Variants in WASHC2C observed in about 807,000 individuals in gnomAD.
The protein encoded by WASHC2C is Vaccinia Penetration Factor.
A neutral mutation model predicts 142.2 loss-of-function variants in WASHC2C; 73 were observed. The observed-to-expected ratio is 0.51, with a 90% CI of 0.43 to 0.62. The LOEUF is 0.62. Ranked by LOEUF, WASHC2C falls within the 20% of genes least tolerant of loss-of-function variation. The pLI, the probability that WASHC2C is intolerant of heterozygous loss-of-function variation, is 0.00. For synonymous variants in WASHC2C, 337 were observed against 565.5 expected (o/e 0.60, Z 5.73); for missense variants, 969 against 1,531.7 (o/e 0.63, Z 6.13).
rs1378319979 is a variant in WASHC2C, at chr10:45,746,779, G to A, written c.732+132G>A. On this transcript the variant is annotated intron_variant, in intron 8 of 30. Coordinates refer to ENST00000623400, the MANE Select transcript of WASHC2C (RefSeq NM_001330074.2). ...ATGTATACAATTTATTTTCCTTTAA[G>A]CATTTCATGTATTTAGGCTAACTAC... is the stretch of plus-strand genomic sequence containing the variant. 9.1e-6 allele frequency: 12 copies of A among 1,320,526 alleles called. No homozygotes were observed. The East Asian group carries it at 9.4e-5, about 10-fold the overall frequency. The allele number at this position is 1,320,526 out of a possible 1,614,324, so 81.8% of individuals were successfully genotyped here.
intron 21 of WASHC2C, among the ~76,000 whole-genome samples, chr10:45,775,722 G>T (rs1451423454): frequency 1.3e-4 from 15 of 119,168 alleles, no homozygotes. Flanking sequence ...TTGCTCTTTC[G>T]TCCAGGCTGG....
At chr10:45,727,233 A>C, upstream of WASHC2C, 3 of 1,521,458 alleles carry the variant, frequency 2.0e-6, no homozygotes, top group Non-Finnish European at 2.6e-6. Flanking sequence ...CGCCCCGGGC[A>C]GCTTGGCTGG....
chr10:45,744,805 T>C lies in WASHC2C; in HGVS notation c.623-16T>C, dbSNP rs1482822783. ...GTGAATATTGGTGTGGTGACCCTTATCTCTCTTCTCAACAGAAGGCTCTGT... is the reference window on the plus strand; with the variant it reads ...GTGAATATTGGTGTGGTGACCCTTACCTCTCTTCTCAACAGAAGGCTCTGT... On this transcript the variant is annotated splice_polypyrimidine_tract_variant and intron_variant, in intron 6 of 30. Coordinates refer to ENST00000623400, the MANE Select transcript of WASHC2C (RefSeq NM_001330074.2). The C allele has an allele frequency of 1.7e-6, 1 of 574,008 alleles. No individual in the cohort carries two copies. The highest frequency in any genetic ancestry group is 2.4e-5 in the African/African-American group (1 of 41,500). 35.6% of individuals were successfully genotyped at this position (574,008 alleles called of 1,614,324 possible).
At chr10:45,736,898 G>A (rs1314062280) in intron 3 of WASHC2C, among the ~76,000 whole-genome samples, 12 of 151,730 alleles carry the variant, frequency 7.9e-5, no homozygotes, top group African/African-American at 1.7e-4. Flanking sequence ...TTATAATCAC[G>A]GCCACTGTCT....
chr10:45,747,438 C>T (rs2052976746), intron 8 of WASHC2C, among the ~76,000 whole-genome samples: 1 of 152,146 alleles, frequency 6.6e-6, no homozygotes, highest in Non-Finnish European at 1.5e-5. Context: ...GCCACCATGC[C>T]TGGCCTCCTT....
intron 10 of WASHC2C, among the ~76,000 whole-genome samples, chr10:45,751,111 G>A (rs1231922444): frequency 3.9e-5 from 6 of 151,984 alleles, no homozygotes; most frequent in Non-Finnish European, 8.8e-5. Flanking sequence ...AAACTCCAGA[G>A]AACCATGGGC....
intron 3 of WASHC2C, among the ~76,000 whole-genome samples, chr10:45,729,317 C>T (rs2050269552): frequency 1.3e-5 from 2 of 152,174 alleles, no homozygotes; most frequent in Non-Finnish European, 2.9e-5. Context: ...ACTCACACTG[C>T]CTTTGTTGTG....
At position 45,750,120 on chromosome 10, in the gene WASHC2C, G is replaced by A; in HGVS notation, c.757G>A (p.Glu253Lys). Reference protein sequence around the residue: ...NQHTTQMSDEEEDDDGCDLFA... With the variant: ...NQHTTQMSDEKEDDDGCDLFA... ...GCACACCACACAAATGAGTGATGAG[G>A]AAGAGGATGATGATGGCTGTGACCT... The change falls in exon 9 of 31, where the codon GAA becomes AAA. Residue 253 changes from glutamate to lysine, a missense_variant. Coordinates refer to ENST00000623400, the MANE Select transcript of WASHC2C (RefSeq NM_001330074.2). The A allele has an allele frequency of 1.2e-6, 2 of 1,611,238 alleles. No homozygotes were observed. Among genetic ancestry groups the A allele is most frequent in the Non-Finnish European group, 1.7e-6 (2 of 1,179,712 alleles).
chr10:45,790,441 A>T lies in WASHC2C; in HGVS notation c.3794A>T (p.Asp1265Val). ...EKTLESNLFD[D>V]NIDIFADLTV... is the part of the protein sequence containing the mutation. ...ACATTGGAATCTAATTTATTTGATG[A>T]TAACATTGATATCTTTGCTGACTTA... Residue 1265 changes from aspartate to valine, a missense_variant, in exon 30 of 31, where the codon GAT becomes GTT. Transcript: ENST00000623400. The T allele has an allele frequency of 6.2e-7, 1 of 1,611,056 alleles. No homozygotes were observed.
At chr10:45,758,243 T>C (rs1485526491) in intron 16 of WASHC2C, among the ~76,000 whole-genome samples, 1 of 152,232 alleles carries the variant, frequency 6.6e-6, no homozygotes, top group East Asian at 1.9e-4. Context: ...GTCTGCCTCA[T>C]TCAGACACGT....
intron 30 of WASHC2C, among the ~76,000 whole-genome samples, chr10:45,791,618 G>T (rs1232030256): frequency 6.9e-6 from 1 of 145,810 alleles, no homozygotes; most frequent in Admixed American, 7.1e-5. Context: ...CGGCAATCTC[G>T]ATTGTTTCTG....
At chr10:45,730,874 C>T (rs2050489394) in intron 3 of WASHC2C, among the ~76,000 whole-genome samples, 3 of 152,042 alleles carry the variant, frequency 2.0e-5, no homozygotes, top group Non-Finnish European at 1.5e-5. Context: ...CCACCTCGAC[C>T]TCCCAAAGTG....
Position 45,772,791 on chromosome 10 carries a change from G to A in WASHC2C, c.2040-465G>A, listed in dbSNP as rs186445736. Among the ~76,000 whole-genome samples the A allele has an allele frequency of 3.6e-3, 542 of 152,170 alleles. 2 individuals carry two copies. Among genetic ancestry groups the A allele is most frequent in the African/African-American group, 0.012 (516 of 41,504 alleles). The stretch of plus-strand genomic sequence containing the variant: ...GGAATGTAAATTATGTCTCGATAAC[G>A]CTACTAAAAAAAAGAAATAGAAGCC... On this transcript the variant is annotated intron_variant, in intron 20 of 30. Coordinates refer to ENST00000623400, the MANE Select transcript of WASHC2C (RefSeq NM_001330074.2).
intron 3 of WASHC2C, among the ~76,000 whole-genome samples, chr10:45,731,626 G>A (rs1259872966): frequency 5.9e-5 from 9 of 151,634 alleles, no homozygotes; most frequent in African/African-American, 2.2e-4. Flanking sequence ...CTCCGGATGT[G>A]CTGGTTGCCG....
intron 23 of WASHC2C, 132 bp downstream of exon 23, chr10:45,779,267 G>T (rs1189527671): frequency 1.5e-6 from 1 of 654,262 alleles, no homozygotes; most frequent in Non-Finnish European, 2.7e-6. Flanking sequence ...ATTCTGTGCA[G>T]TCATTTAGAT....
At chr10:45,738,419 A>G (rs2051553841) in intron 4 of WASHC2C, among the ~76,000 whole-genome samples, 1 of 150,448 alleles carries the variant, frequency 6.6e-6, no homozygotes, top group Non-Finnish European at 1.5e-5. Context: ...AACATAGCTA[A>G]GAGGTTCTGG....
intron 19 of WASHC2C, among the ~76,000 whole-genome samples, chr10:45,768,529 T>A (rs2056212694): frequency 1.3e-5 from 2 of 152,110 alleles, no homozygotes; most frequent in Non-Finnish European, 2.9e-5. Flanking sequence ...TCCAGTTTGG[T>A]TTGCAAGACT....
chr10:45,790,564 GA>G, intron 30 of WASHC2C, 31 bp downstream of exon 30: 1 of 1,611,958 alleles, frequency 6.2e-7, no homozygotes, highest in Non-Finnish European at 8.5e-7. Flanking sequence ...CTGACCTAGA[GA>G]ATTCTTACCT....
At position 45,790,459 on chromosome 10, in the gene WASHC2C, C is replaced by T. The variant is rs2058332295; in HGVS notation, c.3812C>T (p.Ala1271Val). ...NLFDDNIDIF[A>V]DLTVKPKEKS... ...TTTGATGATAACATTGATATCTTTG[C>T]TGACTTAACTGTAAAACCAAAAGAA... Residue 1271 changes from alanine (A) to valine (V), a missense_variant, in exon 30 of 31, where the codon GCT becomes GTT. By Grantham distance (64) the Ala-to-Val change is moderately conservative (BLOSUM62 0). Transcript: ENST00000623400. The T allele has an allele frequency of 1.2e-6, 2 of 1,610,910 alleles. No individual in the cohort carries two copies. The highest frequency in any genetic ancestry group is 3.3e-5 in the Admixed American group (2 of 59,860).
Sources: allele counts gnomAD v4.1 joint callset (sites outside exome capture counted in the v4.1 genomes callset), GRCh38; gene constraint gnomAD v4.1.1; transcripts MANE v1.5; gene names NCBI Gene and HGNC (gene_info 2026-07-23, HGNC 2026-07-21).